Variants in GRAMD2A observed in about 807,000 individuals in gnomAD.
GRAMD2A encodes the protein GRAM domain containing 2A.
A neutral mutation model predicts 51.1 loss-of-function variants in GRAMD2A; 37 were observed. The ratio of observed to expected loss-of-function variants is 0.72; its 90% confidence interval spans 0.56 to 0.95. The LOEUF (loss-of-function observed/expected upper bound fraction) is 0.95, where lower values mean the gene tolerates loss of function less well. Ranked by LOEUF, GRAMD2A falls within the 40% of genes least tolerant of loss-of-function variation. The pLI is 0.00. For synonymous variants in GRAMD2A, 136 were observed against 157.1 expected, an observed-to-expected ratio of 0.87 and a Z score of 1.01; for missense variants, 414 against 426.9, an observed-to-expected ratio of 0.97 and a Z score of 0.27.
chr15:72,168,489 A>G lies in GRAMD2A; in HGVS notation c.268+2T>C, dbSNP rs751843561. ...AACCAGCTATACCGGGAGACAGCTC[A>G]CCTTTGAGAACCACTTCCTCCAAGG... On this transcript the variant is annotated splice_donor_variant, in intron 4 of 11. Coordinates refer to ENST00000309731, the MANE Select transcript of GRAMD2A (RefSeq NM_001012642.3). LOFTEE classifies it high-confidence loss of function. The G allele has an allele frequency of 6.8e-6, 11 of 1,611,468 alleles. No homozygotes were observed. The highest frequency in any genetic ancestry group is 1.7e-4 in the Middle Eastern group (1 of 5,834).
intron 1 of GRAMD2A, among the ~76,000 whole-genome samples, chr15:72,181,244 G>T (rs1429656237): frequency 6.6e-6 from 1 of 152,206 alleles, no homozygotes; most frequent in East Asian, 1.9e-4. Flanking sequence ...CCTCTATAAT[G>T]GTTTTGGTCA....
chr15:72,183,186 TG>T (rs910867918), intron 1 of GRAMD2A, among the ~76,000 whole-genome samples: 4 of 151,702 alleles, frequency 2.6e-5, no homozygotes, highest in African/African-American at 9.7e-5. Context: ...AGGGTTTTGT[TG>T]TTTTTTTTTT....
intron 1 of GRAMD2A, among the ~76,000 whole-genome samples, chr15:72,193,566 A>G (rs1019850695): frequency 6.8e-6 from 1 of 147,932 alleles, no homozygotes; most frequent in Admixed American, 6.8e-5. Flanking sequence ...TCTGTCGCCC[A>G]GGCTGGAGTA....
chr15:72,169,619 G>A (rs1167772967), intron 2 of GRAMD2A: 4 of 689,216 alleles, frequency 5.8e-6, no homozygotes, highest in Admixed American at 2.0e-5. Context: ...GCACAGGTGA[G>A]CAGGGAGGAG....
chr15:72,194,836 C>T (rs2415134), intron 1 of GRAMD2A, among the ~76,000 whole-genome samples: 99,242 of 151,856 alleles, frequency 0.65, 33,294 homozygotes, highest in Middle Eastern at 0.73. Flanking sequence ...TACAGGCACA[C>T]ACCACCACAC....
intron 1 of GRAMD2A, among the ~76,000 whole-genome samples, chr15:72,184,581 C>A (rs28393460): frequency 1.3e-5 from 2 of 152,344 alleles, no homozygotes; most frequent in Admixed American, 1.3e-4. Context: ...GGCTGCGCGC[C>A]CTGCCCAGGC....
At chr15:72,167,492 G>T (rs2081560302) in intron 5 of GRAMD2A, among the ~76,000 whole-genome samples, 1 of 152,230 alleles carries the variant, frequency 6.6e-6, no homozygotes, top group South Asian at 2.1e-4. Flanking sequence ...GAATGATTTG[G>T]CTGTGAACTG....
In GRAMD2A at chr15:72,170,105, A is replaced by C; in HGVS notation, c.42-166T>G. On this transcript the variant is annotated intron_variant, in intron 1 of 11. Transcript: ENST00000309731. This position sits in a 1 kb window ranked among gnomAD's most constrained non-coding sequence, Gnocchi z 4.5. ...AGTTCAGAGGCAGCAGCGCAGGCAGAGGTTCTGGGATGGCTGACGGAGTAG... is the reference window on the plus strand; with the variant it reads ...AGTTCAGAGGCAGCAGCGCAGGCAGCGGTTCTGGGATGGCTGACGGAGTAG... 1 of 710,102 alleles carries C rather than the reference A, an allele frequency of 1.4e-6. No individual in the cohort carries two copies. The highest frequency in any genetic ancestry group is 2.7e-5 in the East Asian group (1 of 37,730). The allele number at this position is 710,102 out of a possible 1,614,324, so 44.0% of individuals were successfully genotyped here. A position where few individuals can be genotyped will look rare whatever the true frequency, so the allele number is the denominator to read the frequency against.
intron 1 of GRAMD2A, among the ~76,000 whole-genome samples, chr15:72,188,087 C>A (rs1330424962): frequency 6.6e-6 from 1 of 152,090 alleles, no homozygotes; most frequent in Non-Finnish European, 1.5e-5. Flanking sequence ...GGCTGTAATC[C>A]TAGCACTTTG....
At chr15:72,184,521 G>A (rs964145872) in intron 1 of GRAMD2A, among the ~76,000 whole-genome samples, 1 of 152,248 alleles carries the variant, frequency 6.6e-6, no homozygotes, top group Non-Finnish European at 1.5e-5. Flanking sequence ...GGTGCAGTGC[G>A]TGTACCAAGC....
chr15:72,166,708 G>A lies in GRAMD2A; in HGVS notation c.472-5C>T. 1 of 1,611,316 alleles carries A rather than the reference G, an allele frequency of 6.2e-7. No individual in the cohort carries two copies. The highest frequency in any genetic ancestry group is 1.7e-4 in the Middle Eastern group (1 of 6,060). ...GAGCAGTGACACAAAGATATACTGG[G>A]ACATGGAAAGAAAACAGACAGGGGT... On this transcript the variant is annotated splice_region_variant and splice_polypyrimidine_tract_variant and intron_variant, in intron 6 of 11. Transcript: ENST00000309731. This position sits in a 1 kb window ranked among gnomAD's most constrained non-coding sequence, Gnocchi z 4.1.
intron 1 of GRAMD2A, among the ~76,000 whole-genome samples, chr15:72,184,728 C>T (rs543004104): frequency 1.3e-4 from 20 of 152,336 alleles, no homozygotes; most frequent in African/African-American, 4.1e-4. Context: ...ACTGCGGGAA[C>T]GCTCCTTAGG....
At chr15:72,192,529 G>A (rs1172507641) in intron 1 of GRAMD2A, among the ~76,000 whole-genome samples, 7 of 151,950 alleles carry the variant, frequency 4.6e-5, no homozygotes, top group Non-Finnish European at 1.5e-5. Flanking sequence ...ACAGAAGAGA[G>A]AAAAAAAATC....
In GRAMD2A at chr15:72,177,885, G is replaced by A. The variant is rs561221817; in HGVS notation, c.42-7946C>T. ...TGGGATTACAGGCGTGTGCCAACAC[G>A]CCCAGCTAATTGTTGTATTTTTAGC... On this transcript the variant is annotated intron_variant, in intron 1 of 11. Transcript: ENST00000309731. Among the ~76,000 whole-genome samples, 10 of 152,244 alleles carry A rather than the reference G, an allele frequency of 6.6e-5. No individual in the cohort carries two copies. The East Asian group carries it at 1.4e-3, about 21-fold the overall frequency.
intron 1 of GRAMD2A, chr15:72,173,446 A>C (rs770162021): frequency 6.6e-6 from 1 of 152,148 alleles, no homozygotes; most frequent in Non-Finnish European, 1.5e-5. Flanking sequence ...CATCTGTCAC[A>C]CTGTGTCTGT....
At chr15:72,194,977 C>A (rs888167350) in intron 1 of GRAMD2A, among the ~76,000 whole-genome samples, 2 of 152,186 alleles carry the variant, frequency 1.3e-5, no homozygotes, top group African/African-American at 4.8e-5. Context: ...TGTGAGCCGC[C>A]GCGCCCGGCT....
At chr15:72,175,178 C>T (rs564617480) in intron 1 of GRAMD2A, among the ~76,000 whole-genome samples, 1 of 152,148 alleles carries the variant, frequency 6.6e-6, no homozygotes, top group African/African-American at 2.4e-5. Flanking sequence ...CAGGTCCCCC[C>T]CAAGATAACC....
At position 72,166,490 on chromosome 15, in the gene GRAMD2A, A is replaced by G; in HGVS notation, c.543+142T>C. On this transcript the variant is annotated intron_variant, in intron 7 of 11. Coordinates refer to ENST00000309731, the MANE Select transcript of GRAMD2A (RefSeq NM_001012642.3). The surrounding 1 kb of genome is among the most constrained non-coding windows in gnomAD (Gnocchi z 4.1). ...ACAATCCAAGTACTGTCTCTTGTAC[A>G]TTGAGCCTGAGCCTTTAACTCCCCT... 1.5e-6 allele frequency: 1 copy of G among 671,280 alleles called. No homozygotes were observed. The allele number at this position is 671,280 out of a possible 1,614,324, so 41.6% of individuals were successfully genotyped here.
At chr15:72,164,943 A>G (rs2081525349) in intron 8 of GRAMD2A, among the ~76,000 whole-genome samples, 1 of 152,216 alleles carries the variant, frequency 6.6e-6, no homozygotes, top group East Asian at 1.9e-4. Flanking sequence ...ATTCGAGATC[A>G]GCTTGGCCAA....
Sources: gnomAD v4.1 joint callset for allele counts (sites outside exome capture counted in the v4.1 genomes callset) on GRCh38, gnomAD v4.1.1 for gene constraint, Gnocchi (gnomAD v3.1) non-coding constraint, MANE v1.5 for transcripts, NCBI Gene and HGNC (gene_info 2026-07-23, HGNC 2026-07-21) for gene names.